Variants in ROR2 observed in about 807,000 individuals in gnomAD.
ROR2 encodes the protein tyrosine-protein kinase transmembrane receptor ROR2.
In ROR2, 33 loss-of-function variants were observed where a neutral mutation model predicts 74.9. That is an observed-to-expected ratio of 0.44 (90% confidence interval 0.33 to 0.59). The LOEUF (loss-of-function observed/expected upper bound fraction) is 0.59. ROR2 is among the 20% of genes least tolerant of loss of function. The pLI, the probability that ROR2 is intolerant of heterozygous loss-of-function variation, is 0.02. For missense variants in ROR2, 1,216 were observed against 1,313.8 expected, an observed-to-expected ratio of 0.93 and a Z score of 1.15; for synonymous variants, 586 against 558.7, an observed-to-expected ratio of 1.05 and a Z score of -0.69.
intron 1 of ROR2, among the ~76,000 whole-genome samples, chr9:91,946,944 ACT>A (rs1196891278): frequency 6.6e-6 from 1 of 151,768 alleles, no homozygotes; most frequent in African/African-American, 2.4e-5. Flanking sequence ...TAAAATTCAG[ACT>A]CTGCCAGACT....
intron 1 of ROR2, among the ~76,000 whole-genome samples, chr9:91,949,422 G>A (rs980794543): frequency 2.0e-5 from 3 of 151,926 alleles, no homozygotes; most frequent in South Asian, 4.2e-4. Flanking sequence ...GGGGTGGGGG[G>A]ACGCTCCGAG....
intron 4 of ROR2, among the ~76,000 whole-genome samples, chr9:91,751,135 G>A (rs902943219): frequency 1.3e-5 from 2 of 152,110 alleles, no homozygotes; most frequent in African/African-American, 4.8e-5. Flanking sequence ...TTCACCCATA[G>A]GGACAAAGAG....
intron 1 of ROR2, among the ~76,000 whole-genome samples, chr9:91,875,020 A>T (rs959130101): frequency 1.3e-5 from 2 of 152,182 alleles, no homozygotes; most frequent in African/African-American, 4.8e-5. Context: ...AAAAATTGGT[A>T]AATTAACGGA....
At chr9:91,837,230 G>A (rs1259325768) in intron 1 of ROR2, among the ~76,000 whole-genome samples, 5 of 151,956 alleles carry the variant, frequency 3.3e-5, no homozygotes, top group East Asian at 3.9e-4. Context: ...CAGCCACCAC[G>A]CCCAGCTAGT....
At chr9:91,835,773 T>C (rs969040001) in intron 1 of ROR2, among the ~76,000 whole-genome samples, 2 of 152,214 alleles carry the variant, frequency 1.3e-5, no homozygotes, top group East Asian at 1.9e-4. Context: ...GCTCAGGGGC[T>C]GACTGGTGGA....
chr9:91,922,109 CAACAACAACAACAACA>C (rs984584619), intron 1 of ROR2, among the ~76,000 whole-genome samples: 10 of 143,926 alleles, frequency 6.9e-5, no homozygotes, highest in African/African-American at 1.3e-4. Flanking sequence ...GCAACAACAA[CAACAACAACAACAACA>C]AACAACAACA....
In ROR2 at chr9:91,935,128, C is replaced by G. The variant is rs904663035; in HGVS notation, c.97+14739G>C. Reference sequence around the variant, plus strand: ...TCCAGTCCCAAGTCCCCGGCGGCCACCTGGGTCCACACTGACACCCCCAAA... The same window carrying G: ...TCCAGTCCCAAGTCCCCGGCGGCCAGCTGGGTCCACACTGACACCCCCAAA... On this transcript the variant is annotated intron_variant, in intron 1 of 8. Transcript: ENST00000375708. 1.3e-5 allele frequency among the ~76,000 whole-genome samples: 2 copies of G among 152,184 alleles called. 1 individual carries two copies. Among genetic ancestry groups the G allele is most frequent in the Non-Finnish European group, 2.9e-5 (2 of 68,038 alleles).
At chr9:91,793,120 A>G (rs897043269) in intron 1 of ROR2, among the ~76,000 whole-genome samples, 2 of 152,196 alleles carry the variant, frequency 1.3e-5, no homozygotes, top group African/African-American at 4.8e-5. Context: ...AAACAAAACT[A>G]TACATCAGTA....
intron 1 of ROR2, among the ~76,000 whole-genome samples, chr9:91,875,933 G>A (rs528077379): frequency 6.6e-6 from 1 of 152,214 alleles, no homozygotes; most frequent in African/African-American, 2.4e-5. Flanking sequence ...ATGAGATTGA[G>A]TGTGAATGTA....
intron 1 of ROR2, among the ~76,000 whole-genome samples, chr9:91,829,442 C>T (rs1192524619): frequency 6.8e-6 from 1 of 147,828 alleles, no homozygotes; most frequent in East Asian, 2.1e-4. Flanking sequence ...CCCAGCTGCT[C>T]GGGAGGCTGA....
chr9:91,813,118 A>C (rs73513293), intron 1 of ROR2, among the ~76,000 whole-genome samples: 5,736 of 152,248 alleles, frequency 0.038, 165 homozygotes, highest in African/African-American at 0.082. Flanking sequence ...ATTTACTTTT[A>C]GAAAAAAAAA....
chr9:91,755,813 C>T, intron 4 of ROR2: 2 of 588,464 alleles, frequency 3.4e-6, no homozygotes, highest in Non-Finnish European at 3.0e-6. Context: ...ATACTCCTCT[C>T]AGTAGCCCTG....
chr9:91,873,117 C>T (rs1587807872), intron 1 of ROR2, among the ~76,000 whole-genome samples: 1 of 152,194 alleles, frequency 6.6e-6, no homozygotes, highest in Non-Finnish European at 1.5e-5. Context: ...GTGGGTCCGG[C>T]TTGCTTTTCC....
At chr9:91,945,605 T>C (rs548704698) in intron 1 of ROR2, among the ~76,000 whole-genome samples, 30 of 152,372 alleles carry the variant, frequency 2.0e-4, no homozygotes, top group African/African-American at 7.2e-4. Flanking sequence ...CATTTTTCTG[T>C]AATTATTTCC....
intron 1 of ROR2, among the ~76,000 whole-genome samples, chr9:91,814,181 C>G (rs1827847081): frequency 6.6e-6 from 1 of 152,144 alleles, no homozygotes; most frequent in African/African-American, 2.4e-5. Context: ...GAGGGACACC[C>G]TGCCTCTGAA....
intron 4 of ROR2, among the ~76,000 whole-genome samples, chr9:91,745,986 G>T (rs999401904): frequency 2.0e-5 from 3 of 152,192 alleles, no homozygotes; most frequent in Admixed American, 6.5e-5. Context: ...TTAGGTTGGT[G>T]GTCTGAGGGC....
chr9:91,920,404 G>A (rs1831233095), intron 1 of ROR2, among the ~76,000 whole-genome samples: 1 of 152,208 alleles, frequency 6.6e-6, no homozygotes, highest in African/African-American at 2.4e-5. Flanking sequence ...TACTCGGGAG[G>A]CTGAGGTGAG....
At chr9:91,862,054 T>G (rs36122713) in intron 1 of ROR2, among the ~76,000 whole-genome samples, 1 of 152,254 alleles carries the variant, frequency 6.6e-6, no homozygotes, top group South Asian at 2.1e-4. Context: ...CCGGGCATGG[T>G]GGCTCATGCC....
chr9:91,791,615 G>A (rs542357866), intron 1 of ROR2, among the ~76,000 whole-genome samples: 4 of 152,200 alleles, frequency 2.6e-5, no homozygotes, highest in Non-Finnish European at 5.9e-5. Flanking sequence ...GAAATAAAAG[G>A]AGACATAGAT....
Sources: allele counts gnomAD v4.1 joint callset (sites outside exome capture counted in the v4.1 genomes callset), GRCh38; gene constraint gnomAD v4.1.1; transcripts MANE v1.5; gene names NCBI Gene and HGNC (gene_info 2026-07-23, HGNC 2026-07-21).